Variants in IL1A observed in about 807,000 individuals in gnomAD.
IL1A encodes the protein interleukin 1 alpha, also known as interleukin-1 alpha.
A neutral mutation model predicts 22.2 loss-of-function variants in IL1A; 16 were observed. The observed-to-expected ratio is 0.72, with a 90% CI of 0.49 to 1.09. The LOEUF (loss-of-function observed/expected upper bound fraction) is 1.09. Ranked by LOEUF, IL1A falls within the 50% of genes least tolerant of loss-of-function variation. The probability of loss-of-function intolerance (pLI) is 0.00; values close to 1 mark genes in which losing one functional copy is unlikely to be tolerated. For synonymous variants in IL1A, 113 were observed against 118.5 expected (o/e 0.95, Z 0.30); for missense variants, 317 against 321.8 (o/e 0.99, Z 0.11).
intron 5 of IL1A, among the ~76,000 whole-genome samples, 193 bp from the exon 6 acceptor site, chr2:112,778,304 C>T (rs1425779006): frequency 6.6e-6 from 1 of 151,916 alleles, no homozygotes. Context: ...TTGTGTCCTT[C>T]ACAATGTCTT....
At position 112,775,003 on chromosome 2, in the gene IL1A, C is replaced by T; in HGVS notation, c.*64G>A. 3.9e-6 allele frequency: 5 copies of T among 1,293,016 alleles called. No homozygotes were observed. The highest frequency in any genetic ancestry group is 5.6e-6 in the Non-Finnish European group (5 of 894,040). The allele number at this position is 1,293,016 out of a possible 1,614,324, so 80.1% of individuals were successfully genotyped here. On this transcript the variant is annotated 3_prime_UTR_variant, in exon 7 of 7. Coordinates refer to ENST00000263339, the MANE Select transcript of IL1A (RefSeq NM_000575.5). Reference sequence around the variant, plus strand: ...TGACTAACAGTAAAGGATTTAGCTTCTTCATGTACATGGTACATATGAACT... The same window carrying T: ...TGACTAACAGTAAAGGATTTAGCTTTTTCATGTACATGGTACATATGAACT...
intron 4 of IL1A, 129 bp downstream of exon 4, chr2:112,781,475 A>G: frequency 2.6e-6 from 2 of 765,950 alleles, no homozygotes; most frequent in East Asian, 2.5e-5. Flanking sequence ...TTTCCTCTGT[A>G]TAGTTACCAG....
intron 4 of IL1A, among the ~76,000 whole-genome samples, chr2:112,780,211 C>T (rs981900245): frequency 2.6e-5 from 4 of 152,030 alleles, no homozygotes; most frequent in East Asian, 1.9e-4. Flanking sequence ...TGGTGAAAAA[C>T]GGGCACTCTA....
intron 5 of IL1A, 82 bp from the exon 6 acceptor site, chr2:112,778,193 G>A: frequency 1.5e-6 from 1 of 661,608 alleles, no homozygotes; most frequent in Admixed American, 2.7e-5. Context: ...GTGTGTGCAT[G>A]GTGTGTGTGT....
rs1365136884 is a variant in IL1A, at chr2:112,781,590, G to A, written c.319+14C>T. 1 of 1,590,808 alleles carries A rather than the reference G, an allele frequency of 6.3e-7. No homozygotes were observed. ...AACTGTAAAAGAAAGATATTATTGT[G>A]CTTGACCCCTTACCTTCCTCTGAGT... On this transcript the variant is annotated intron_variant, in intron 4 of 6. Transcript: ENST00000263339.
chr2:112,775,104 G>C lies in IL1A; in HGVS notation c.779C>G (p.Ser260Cys). ...TTCCAGTATCTGAAAGTCAGTGATAGAGGGTGGCCCCCCTGCCAAGCACAC... is the reference window on the plus strand; with the variant it reads ...TTCCAGTATCTGAAAGTCAGTGATACAGGGTGGCCCCCCTGCCAAGCACAC... ...YWVCLAGGPP[S>C]ITDFQILENQ... is the part of the protein sequence containing the mutation. The change falls in exon 7 of 7, where the codon TCT (serine) becomes TGT (cysteine). Residue 260 changes from serine (S) to cysteine (C), a missense_variant. By Grantham distance (112) the Ser-to-Cys change is moderately radical (BLOSUM62 -1). Coordinates refer to ENST00000263339, the MANE Select transcript of IL1A (RefSeq NM_000575.5). 1 of 1,614,168 alleles carries C rather than the reference G, an allele frequency of 6.2e-7. No homozygotes were observed. The highest frequency in any genetic ancestry group is 8.5e-7 in the Non-Finnish European group (1 of 1,179,988).
Position 112,777,016 on chromosome 2 carries a change from T to C in IL1A, c.615+971A>G, listed in dbSNP as rs537701106. ...CACAACCATGACCCGCCCCCTCCTG[T>C]CGGCAGCTCTCATCTCACAAGGGGC... On this transcript the variant is annotated intron_variant, in intron 6 of 6. Coordinates refer to ENST00000263339, the MANE Select transcript of IL1A (RefSeq NM_000575.5). 5.3e-5 allele frequency among the ~76,000 whole-genome samples: 8 copies of C among 151,970 alleles called. No homozygotes were observed. The South Asian group carries it at 1.7e-3, about 32-fold the overall frequency.
intron 2 of IL1A, 142 bp downstream of exon 2, chr2:112,783,582 A>C: frequency 1.5e-6 from 1 of 661,612 alleles, no homozygotes; most frequent in Non-Finnish European, 2.7e-6. Flanking sequence ...GTCTTCTCTG[A>C]ACCTGCTCTG....
chr2:112,782,158 T>C (rs751541227), intron 3 of IL1A, among the ~76,000 whole-genome samples: 34 of 152,258 alleles, frequency 2.2e-4, no homozygotes, highest in Non-Finnish European at 3.4e-4. Context: ...TGCTTAACAA[T>C]GCTCAAAATA....
At chr2:112,777,636 G>A (rs755563849) in intron 6 of IL1A, among the ~76,000 whole-genome samples, 1 of 152,178 alleles carries the variant, frequency 6.6e-6, no homozygotes, top group Non-Finnish European at 1.5e-5. Flanking sequence ...GCTTATTTGA[G>A]TTTCTTGGAG....
chr2:112,779,451 AAGG>A, intron 5 of IL1A, 42 bp downstream of exon 5: 1 of 1,415,800 alleles, frequency 7.1e-7, no homozygotes. Flanking sequence ...AAGTAAATGA[AAGG>A]AGGGGAGGAT....
chr2:112,774,923 A>G lies in IL1A; in HGVS notation c.*144T>C. 3.1e-6 allele frequency: 2 copies of G among 640,374 alleles called. No individual in the cohort carries two copies. The highest frequency in any genetic ancestry group is 3.8e-5 in the South Asian group (2 of 52,476). 39.7% of individuals were successfully genotyped at this position (640,374 alleles called of 1,614,324 possible). ...ATATGTTAGTGTTGGTTCCACTCTT[A>G]CAAAGAGTGTAAACATTCATTTAGA... On this transcript the variant is annotated 3_prime_UTR_variant, in exon 7 of 7. Coordinates refer to ENST00000263339, the MANE Select transcript of IL1A (RefSeq NM_000575.5).
chr2:112,775,385 A>G (rs1037892235), intron 6 of IL1A, 118 bp from the exon 7 acceptor site: 3 of 706,822 alleles, frequency 4.2e-6, no homozygotes, highest in South Asian at 1.7e-5. Flanking sequence ...TGGCTGTAAC[A>G]TGATGCTATA....
At position 112,783,751 on chromosome 2, in the gene IL1A, A is replaced by G. The variant is rs1320550977; in HGVS notation, c.20T>C (p.Met7Thr). The G allele has an allele frequency of 3.1e-6, 5 of 1,613,902 alleles. No homozygotes were observed. The highest frequency in any genetic ancestry group is 1.6e-4 in the Middle Eastern group (1 of 6,080). ...GTAACAGTTCTTCAGGTCTTCAAAC[A>G]TGTCTGGAACTTTGGCCATCTTGAC... MAKVPD[M>T]FEDLKNCYSE... Residue 7 changes from methionine (M) to threonine (T), a missense_variant, in exon 2 of 7, where the codon ATG (methionine) becomes ACG (threonine). Coordinates refer to ENST00000263339, the MANE Select transcript of IL1A (RefSeq NM_000575.5).
rs561596085 is a variant in IL1A, at chr2:112,774,740, A to C, written c.*327T>G. 9.8e-5 allele frequency: 19 copies of C among 193,092 alleles called. No individual in the cohort carries two copies. Among genetic ancestry groups the C allele is most frequent in the South Asian group, 6.0e-4 (5 of 8,322 alleles). The allele number at this position is 193,092 out of a possible 1,614,324, so 12.0% of individuals were successfully genotyped here. On this transcript the variant is annotated 3_prime_UTR_variant, in exon 7 of 7. Transcript: ENST00000263339. ...TCAACTGCTATTGTGCATATTTCTT[A>C]GTTTTCTTATGCCTTAATTTGCCCA... is the stretch of plus-strand genomic sequence containing the variant.
At chr2:112,779,845 CTTG>C (rs1681165378) in intron 4 of IL1A, among the ~76,000 whole-genome samples, 179 bp from the exon 5 acceptor site, 3 of 152,122 alleles carry the variant, frequency 2.0e-5, no homozygotes, top group African/African-American at 7.2e-5. Flanking sequence ...TAGGATTATC[CTTG>C]TTGTTGCTTA....
chr2:112,779,701 A>G (rs1681163256), intron 4 of IL1A, 35 bp from the exon 5 acceptor site: 4 of 1,523,394 alleles, frequency 2.6e-6, no homozygotes, highest in Middle Eastern at 1.8e-4. Flanking sequence ...ATTAATGTCT[A>G]TGTACAAACA....
intron 6 of IL1A, among the ~76,000 whole-genome samples, chr2:112,775,670 G>A (rs981028799): frequency 9.2e-6 from 1 of 109,130 alleles, no homozygotes; most frequent in African/African-American, 3.9e-5. Flanking sequence ...ATCTCCAAGT[G>A]AACAAATCAT....
chr2:112,781,923 A>G lies in IL1A; in HGVS notation c.97-97T>C, dbSNP rs114851312. 4.4e-4 allele frequency: 355 copies of G among 808,954 alleles called. 3 individuals are homozygous for G. The African/African-American group carries it at 5.6e-3, about 13-fold the overall frequency. The allele number at this position is 808,954 out of a possible 1,614,324, so 50.1% of individuals were successfully genotyped here. A position where few individuals can be genotyped will look rare whatever the true frequency, so the allele number is the denominator to read the frequency against. ...GTATTCAACAGAGGTAGTGAGGAGG[A>G]TCTCCATTCTGGTCTTAGGTAACTG... On this transcript the variant is annotated intron_variant, in intron 3 of 6. Coordinates refer to ENST00000263339, the MANE Select transcript of IL1A (RefSeq NM_000575.5).
Sources: allele counts gnomAD v4.1 joint callset (sites outside exome capture counted in the v4.1 genomes callset), GRCh38; gene constraint gnomAD v4.1.1; transcripts MANE v1.5; gene names NCBI Gene and HGNC (gene_info 2026-07-23, HGNC 2026-07-21).